Variants in MLST8 observed in about 807,000 individuals in gnomAD.
MLST8 encodes the protein MTOR associated protein MLST8.
MLST8 carries 20 observed loss-of-function variants against 41.3 expected under a neutral mutation model. The ratio of observed to expected loss-of-function variants is 0.48; its 90% CI spans 0.34 to 0.70. The LOEUF is 0.70. MLST8 is among the 30% of genes least tolerant of loss of function. The pLI is 0.01. For missense variants in MLST8, 422 were observed against 454.3 expected (o/e 0.93, Z 0.65); for synonymous variants, 243 against 183.0 (o/e 1.33, Z -2.65).
chr16:2,206,331 T>G, intron 2 of MLST8, 27 bp from the exon 3 acceptor site: 1 of 1,613,318 alleles, frequency 6.2e-7, no homozygotes, highest in Non-Finnish European at 8.5e-7. Flanking sequence ...AGGGCTACCT[T>G]CCCGTCATCC....
intron 1 of MLST8, 84 bp downstream of exon 1, chr16:2,205,596 G>C (rs1282290535): frequency 2.4e-6 from 2 of 839,298 alleles, no homozygotes; most frequent in East Asian, 2.5e-4. Flanking sequence ...CCAGCAGGAC[G>C]GAGCAAGGGC....
Position 2,209,226 on chromosome 16 carries a change from C to G in MLST8, c.*349C>G. On this transcript the variant is annotated 3_prime_UTR_variant, in exon 9 of 9. Coordinates refer to ENST00000569417, the MANE Select transcript of MLST8 (RefSeq NM_022372.6). The stretch of plus-strand genomic sequence containing the variant: ...CCTCCCTGCCCGCGTTTCAGGGCCT[C>G]GGTCCATAGAGAACACCACCACCAT... 2.4e-6 allele frequency: 2 copies of G among 845,706 alleles called. No homozygotes were observed. Among genetic ancestry groups the G allele is most frequent in the South Asian group, 1.7e-5 (1 of 57,648 alleles). 52.4% of individuals were successfully genotyped at this position (845,706 alleles called of 1,614,324 possible).
chr16:2,205,662 C>T (rs1302223215), intron 1 of MLST8, 150 bp downstream of exon 1: 1 of 987,794 alleles, frequency 1.0e-6, no homozygotes, highest in East Asian at 1.1e-4. Flanking sequence ...CCTTTCCCAT[C>T]AGGGCCTGCC....
rs773146991 is a variant in MLST8 at position 2,206,050 on chromosome 16, CT to C, written c.-35del. 1.9e-6 allele frequency: 3 copies of C among 1,541,532 alleles called. No homozygotes were observed. The South Asian group carries it at 3.6e-5, about 19-fold the overall frequency. On this transcript the variant is annotated 5_prime_UTR_variant, in exon 2 of 9. Transcript: ENST00000569417. The stretch of plus-strand genomic sequence containing the variant: ...CTGCAGATGCTCTGACCTTTGACCC[CT>C]GCCGTTCAGCTCTAGGGCCCGTGCA...
At chr16:2,205,713 C>T (rs914661094) in intron 1 of MLST8, 10 of 1,001,162 alleles carry the variant, frequency 1.0e-5, no homozygotes, top group South Asian at 4.4e-5. Flanking sequence ...GCTCGGCTTT[C>T]CCCGGCCCAT....
At chr16:2,206,293 T>C in intron 2 of MLST8, 65 bp from the exon 3 acceptor site, 1 of 1,607,560 alleles carries the variant, frequency 6.2e-7, no homozygotes, top group African/African-American at 1.3e-5. Context: ...GAAGGCCAGA[T>C]GGTGGAGGCC....
Position 2,205,822 on chromosome 16 carries a change from C to G in MLST8, c.-55-209C>G, listed in dbSNP as rs773955476. Reference sequence around the variant, plus strand: ...CGGAGGTGGGGGGGGGACGGCGCCCCCGCCGTGTGCGTGGGGCGGGGATGG... The same window carrying G: ...CGGAGGTGGGGGGGGGACGGCGCCCGCGCCGTGTGCGTGGGGCGGGGATGG... On this transcript the variant is annotated intron_variant, in intron 1 of 8. Coordinates refer to ENST00000569417, the MANE Select transcript of MLST8 (RefSeq NM_022372.6). 3.4e-6 allele frequency: 4 copies of G among 1,166,808 alleles called. No individual in the cohort carries two copies. The South Asian group carries it at 1.1e-4, about 31-fold the overall frequency. 72.3% of individuals were successfully genotyped at this position (1,166,808 alleles called of 1,614,324 possible). A position where few individuals can be genotyped will look rare whatever the true frequency, so the allele number is the denominator to read the frequency against.
rs755465475 is a variant in MLST8 at position 2,207,288 on chromosome 16, C to T, written c.516C>T (p.Ser172=). The T allele has an allele frequency of 1.2e-6, 2 of 1,614,196 alleles. No homozygotes were observed. The highest frequency in any genetic ancestry group is 1.7e-6 in the Non-Finnish European group (2 of 1,180,030). ...NEQLIPEPEV[S]ITSAHIDPDA... Reference sequence around the variant, plus strand: ...AGCTGATCCCTGAGCCCGAGGTCTCCATCACGTCCGCCCACATCGATCCCG... The same window carrying T: ...AGCTGATCCCTGAGCCCGAGGTCTCTATCACGTCCGCCCACATCGATCCCG... Residue 172 remains serine, a synonymous_variant, in exon 6 of 9, where the codon TCC becomes TCT. Coordinates refer to ENST00000569417, the MANE Select transcript of MLST8 (RefSeq NM_022372.6).
At chr16:2,206,907 G>T in intron 4 of MLST8, 128 bp from the exon 5 acceptor site, 1 of 1,279,148 alleles carries the variant, frequency 7.8e-7, no homozygotes, top group Non-Finnish European at 1.1e-6. Context: ...AGAGGGCCCT[G>T]CGTCCCAAGT....
In MLST8 at chr16:2,205,803, TGG is replaced by T. The variant is rs3214648; in HGVS notation, c.-55-220_-55-219del. The T allele has an allele frequency of 1.6e-5, 17 of 1,077,682 alleles. No homozygotes were observed. The South Asian group carries it at 2.4e-4, about 15-fold the overall frequency. The allele number at this position is 1,077,682 out of a possible 1,614,324, so 66.8% of individuals were successfully genotyped here. ...GACTCCCCCCTGCCGGCTGCGGAGG[TGG>T]GGGGGGGACGGCGCCCCCGCCGTGT... On this transcript the variant is annotated intron_variant, in intron 1 of 8. Transcript: ENST00000569417.
chr16:2,207,991 GGCCAGGCGTGGCCTCCTGTTCTTGGCTT>G (rs2093329560), intron 6 of MLST8, 191 bp from the exon 7 acceptor site: 2 of 469,372 alleles, frequency 4.3e-6, no homozygotes, highest in African/African-American at 2.0e-5. Context: ...TTGAGTCCTT[GGCCAGGCGTGGCCTCCTGTTCTTGGCTT>G]GCCAGGTGTG....
At chr16:2,208,176 T>A (rs192139759) in intron 6 of MLST8, 34 bp from the exon 7 acceptor site, 1 of 1,577,150 alleles carries the variant, frequency 6.3e-7, no homozygotes, top group African/African-American at 1.3e-5. Context: ...ACCTGAGGCC[T>A]TGGGCCCTCC....
At position 2,208,966 on chromosome 16, in the gene MLST8, G is replaced by A. The variant is rs941481792; in HGVS notation, c.*89G>A. 239 of 1,436,294 alleles carry A rather than the reference G, an allele frequency of 1.7e-4. No individual in the cohort carries two copies. Among genetic ancestry groups the A allele is most frequent in the Non-Finnish European group, 2.1e-4 (221 of 1,036,568 alleles). 89.0% of individuals were successfully genotyped at this position (1,436,294 alleles called of 1,614,324 possible). A position where few individuals can be genotyped will look rare whatever the true frequency, so the allele number is the denominator to read the frequency against. ...AGGTCAGAGCAGACCCTCCCCTGCC[G>A]GCCTGCGCCAGCTGGACCTGATGGC... On this transcript the variant is annotated 3_prime_UTR_variant, in exon 9 of 9. Coordinates refer to ENST00000569417, the MANE Select transcript of MLST8 (RefSeq NM_022372.6).
Position 2,208,718 on chromosome 16 carries a change from C to T in MLST8, c.863-41C>T, listed in dbSNP as rs781064334. On this transcript the variant is annotated intron_variant, in intron 8 of 8. Coordinates refer to ENST00000569417, the MANE Select transcript of MLST8 (RefSeq NM_022372.6). ...CCTCTGCTGGGGCCGCCTGCTTGGC[C>T]TGCACCTGCGCTCTTAGCCCTGCAC... 4 of 1,613,640 alleles carry T rather than the reference C, an allele frequency of 2.5e-6. No individual in the cohort carries two copies. In the East Asian group the frequency reaches 8.9e-5, roughly 36 times the overall value.
At chr16:2,208,077 C>T in intron 6 of MLST8, 133 bp from the exon 7 acceptor site, 1 of 1,089,774 alleles carries the variant, frequency 9.2e-7, no homozygotes, top group South Asian at 1.7e-5. Flanking sequence ...CAGGCAGGAC[C>T]AGAGGGGCCT....
Position 2,208,623 on chromosome 16 carries a change from G to GCCCAGGCCTCCCCCAT in MLST8, c.862+13_862+14insAGGCCTCCCCCATCCC. ...CAGTACATCGTCACTGGTGAGCCCC[G>GCCCAGGCCTCCCCCAT]CCCTGGCCTCCCCCATCCCTGGCCC... On this transcript the variant is annotated intron_variant, in intron 8 of 8. Transcript: ENST00000569417. 1 of 1,611,770 alleles carries GCCCAGGCCTCCCCCAT rather than the reference G, an allele frequency of 6.2e-7. No homozygotes were observed. The highest frequency in any genetic ancestry group is 8.5e-7 in the Non-Finnish European group (1 of 1,179,314).
intron 6 of MLST8, chr16:2,207,862 C>A (rs1302022140): frequency 3.9e-6 from 1 of 258,694 alleles, no homozygotes; most frequent in Middle Eastern, 1.2e-3. Flanking sequence ...CCCAGTGCAT[C>A]ACTTGTACCT....
intron 1 of MLST8, chr16:2,205,794 C>A: frequency 9.4e-7 from 1 of 1,066,980 alleles, no homozygotes; most frequent in Non-Finnish European, 1.1e-6. Context: ...CCCCTGCCGG[C>A]TGCGGAGGTG....
intron 7 of MLST8, 42 bp from the exon 8 acceptor site, chr16:2,208,408 T>A: frequency 6.2e-7 from 1 of 1,608,192 alleles, no homozygotes; most frequent in Non-Finnish European, 8.5e-7. Flanking sequence ...GGCTGCTGGA[T>A]GGAGTGGCTG....
Sources: gnomAD v4.1 joint callset for allele counts on GRCh38, gnomAD v4.1.1 for gene constraint, MANE v1.5 for transcripts, NCBI Gene and HGNC (gene_info 2026-07-23, HGNC 2026-07-21) for gene names.